SLC35F3: variants seen among roughly 807,000 people sequenced by gnomAD.
The protein encoded by SLC35F3 is solute carrier family 35 member F3.
Under a neutral mutation model 49.9 loss-of-function variants are expected in SLC35F3, and 25 were observed. That is an observed-to-expected ratio of 0.50 (90% confidence interval 0.37 to 0.70). The LOEUF (loss-of-function observed/expected upper bound fraction) is 0.70. SLC35F3 is among the 30% of genes least tolerant of loss of function. SLC35F3 has a pLI of 0.00. For missense variants in SLC35F3, 525 were observed against 639.8 expected (o/e 0.82, Z 1.94); for synonymous variants, 275 against 265.4 (o/e 1.04, Z -0.35).
chr1:234,200,068 G>C (rs1267419334), intron 2 of SLC35F3, among the ~76,000 whole-genome samples: 2 of 152,238 alleles, frequency 1.3e-5, no homozygotes, highest in Non-Finnish European at 2.9e-5. Flanking sequence ...TTTCAGAAAA[G>C]AGTATGGAGG....
intron 2 of SLC35F3, among the ~76,000 whole-genome samples, chr1:233,990,382 A>G (rs1663333459): frequency 6.6e-6 from 1 of 152,184 alleles, no homozygotes; most frequent in Non-Finnish European, 1.5e-5. Context: ...TTTGTTACTT[A>G]TTAGCAATGT....
intron 3 of SLC35F3, among the ~76,000 whole-genome samples, chr1:234,242,248 G>GGGGCCACATGCCTACCCCATCTT (rs1667564773): frequency 6.6e-6 from 1 of 152,192 alleles, no homozygotes; most frequent in Non-Finnish European, 1.5e-5. Context: ...CAGAACAGAT[G>GGGGCCACATGCCTACCCCATCTT]GGGCCACATG....
chr1:234,316,911 G>A (rs565166706), intron 5 of SLC35F3, among the ~76,000 whole-genome samples, 184 bp downstream of exon 5: 56 of 152,344 alleles, frequency 3.7e-4, no homozygotes, highest in Non-Finnish European at 5.1e-4. Flanking sequence ...CAAGGGCAAG[G>A]GGGAGGTGTG....
At position 234,275,763 on chromosome 1, in the gene SLC35F3, A is replaced by AAT. The variant is rs202037675; in HGVS notation, c.609-33320_609-33319dup. ...CATTGGTAAGTATTGAAAAAAAAAA[A>AAT]ATATATATATATATATATAGCACAG... is the stretch of plus-strand genomic sequence containing the variant. On this transcript the variant is annotated intron_variant, in intron 3 of 7. Transcript: ENST00000366618. Among the ~76,000 whole-genome samples the AAT allele has an allele frequency of 3.7e-3, 501 of 135,506 alleles. 2 individuals are homozygous for AAT. Among genetic ancestry groups the AAT allele is most frequent in the South Asian group, 0.023 (97 of 4,186 alleles). The allele number at this position is 135,506 out of a possible 152,430, so 88.9% of individuals were successfully genotyped here. A position where few individuals can be genotyped will look rare whatever the true frequency, so the allele number is the denominator to read the frequency against.
At chr1:234,144,879 C>T (rs1665974058) in intron 2 of SLC35F3, among the ~76,000 whole-genome samples, 1 of 152,096 alleles carries the variant, frequency 6.6e-6, no homozygotes, top group Non-Finnish European at 1.5e-5. Flanking sequence ...GATGGTCAGC[C>T]AAGAGGACAA....
intron 2 of SLC35F3, among the ~76,000 whole-genome samples, chr1:233,950,212 C>G (rs1236387362): frequency 6.6e-6 from 1 of 151,508 alleles, no homozygotes; most frequent in African/African-American, 2.4e-5. Flanking sequence ...TGGTGAAACC[C>G]CGTCTCTACT....
intron 2 of SLC35F3, among the ~76,000 whole-genome samples, chr1:234,145,811 A>G (rs1258341430): frequency 6.6e-6 from 1 of 152,182 alleles, no homozygotes; most frequent in Non-Finnish European, 1.5e-5. Context: ...CCAATCCCCC[A>G]GGGATACCAT....
intron 2 of SLC35F3, among the ~76,000 whole-genome samples, chr1:233,911,532 G>A (rs747907010): frequency 6.6e-5 from 10 of 152,168 alleles, no homozygotes; most frequent in Non-Finnish European, 1.2e-4. Context: ...GAGTTTTGAT[G>A]TAATGAAAAT....
intron 1 of SLC35F3, 102 bp downstream of exon 1, chr1:233,905,232 G>A: frequency 7.7e-7 from 1 of 1,299,642 alleles, no homozygotes; most frequent in African/African-American, 1.5e-5. Context: ...TGAGGCTCGG[G>A]GAAGGGCGGC....
intron 2 of SLC35F3, among the ~76,000 whole-genome samples, chr1:234,083,906 C>T (rs530683765): frequency 1.3e-5 from 2 of 150,394 alleles, no homozygotes; most frequent in Admixed American, 6.6e-5. Flanking sequence ...GGCGTGATCT[C>T]GGCTCACCAC....
At chr1:233,982,536 G>T (rs1006812431) in intron 2 of SLC35F3, among the ~76,000 whole-genome samples, 3 of 151,802 alleles carry the variant, frequency 2.0e-5, no homozygotes, top group African/African-American at 7.3e-5. Flanking sequence ...CACCATGCTC[G>T]GCTAATTTTG....
chr1:234,118,478 GC>G (rs1171403091), intron 2 of SLC35F3, among the ~76,000 whole-genome samples: 1 of 152,100 alleles, frequency 6.6e-6, no homozygotes, highest in Non-Finnish European at 1.5e-5. Context: ...CATATCGCTG[GC>G]GGGCTATGAA....
At chr1:234,000,792 G>A (rs1201966708) in intron 2 of SLC35F3, among the ~76,000 whole-genome samples, 2 of 152,168 alleles carry the variant, frequency 1.3e-5, no homozygotes, top group Non-Finnish European at 2.9e-5. Flanking sequence ...GGCTTGTAGG[G>A]GACAGGCCAG....
At chr1:233,975,130 G>A (rs1399077926) in intron 2 of SLC35F3, among the ~76,000 whole-genome samples, 1 of 152,252 alleles carries the variant, frequency 6.6e-6, no homozygotes, top group African/African-American at 2.4e-5. Flanking sequence ...AGGAAGTCAG[G>A]CCTGCGGCCT....
intron 2 of SLC35F3, among the ~76,000 whole-genome samples, chr1:234,161,806 A>C (rs1394589426): frequency 6.6e-6 from 1 of 152,034 alleles, no homozygotes; most frequent in African/African-American, 2.4e-5. Flanking sequence ...ACCCCATCTC[A>C]AAAAAATATA....
At chr1:233,962,740 T>C (rs1662825045) in intron 2 of SLC35F3, among the ~76,000 whole-genome samples, 1 of 152,242 alleles carries the variant, frequency 6.6e-6, no homozygotes, top group Non-Finnish European at 1.5e-5. Flanking sequence ...GAGCATATAG[T>C]GTTTAACATC....
intron 3 of SLC35F3, among the ~76,000 whole-genome samples, chr1:234,234,370 C>G (rs1667430263): frequency 6.6e-6 from 1 of 152,100 alleles, no homozygotes; most frequent in African/African-American, 2.4e-5. Context: ...CAGGGTGAAG[C>G]CGGAGCCGAG....
At chr1:234,299,821 AAAAG>A (rs1668665017) in intron 3 of SLC35F3, among the ~76,000 whole-genome samples, 1 of 151,092 alleles carries the variant, frequency 6.6e-6, no homozygotes, top group Admixed American at 6.6e-5. Context: ...AAAAAAAAAA[AAAAG>A]AGAAGAAAAA....
chr1:234,307,355 A>G (rs1262238806), intron 3 of SLC35F3, among the ~76,000 whole-genome samples: 1 of 152,186 alleles, frequency 6.6e-6, no homozygotes, highest in Admixed American at 6.5e-5. Context: ...GCCAAACTGC[A>G]CCAGACTCCA....
Sources: gnomAD v4.1 joint callset for allele counts (sites outside exome capture counted in the v4.1 genomes callset) on GRCh38, gnomAD v4.1.1 for gene constraint, MANE v1.5 for transcripts, NCBI Gene and HGNC (gene_info 2026-07-23, HGNC 2026-07-21) for gene names.